The following ADAMTS16 variants were observed in gnomAD, a reference collection of about 807,000 sequenced individuals.
The protein encoded by ADAMTS16 is ADAM metallopeptidase with thrombospondin type 1 motif 16.
In ADAMTS16, 94 loss-of-function variants were observed where a neutral mutation model predicts 145.8. The observed-to-expected ratio is 0.64, with a 90% confidence interval of 0.55 to 0.77. The LOEUF (loss-of-function observed/expected upper bound fraction) is 0.77. ADAMTS16 is among the 30% of genes least tolerant of loss of function. ADAMTS16 has a pLI of 0.00. For missense variants in ADAMTS16, 1,585 were observed against 1,591.5 expected, an observed-to-expected ratio of 1.00 and a Z score of 0.07; for synonymous variants, 659 against 604.3, an observed-to-expected ratio of 1.09 and a Z score of -1.33.
intron 11 of ADAMTS16, among the ~76,000 whole-genome samples, chr5:5,223,949 A>G (rs17712889): frequency 6.6e-6 from 1 of 151,758 alleles, no homozygotes; most frequent in Non-Finnish European, 1.5e-5. Context: ...TCATTGTTCT[A>G]TTATGTTTAA....
intron 18 of ADAMTS16, among the ~76,000 whole-genome samples, chr5:5,285,750 A>AT (rs1444631022): frequency 1.3e-5 from 2 of 152,262 alleles, no homozygotes; most frequent in Non-Finnish European, 2.9e-5. Flanking sequence ...AGACAATGAG[A>AT]TTTTTCAATG....
chr5:5,163,366 G>T (rs542510977), intron 3 of ADAMTS16, among the ~76,000 whole-genome samples: 7 of 152,108 alleles, frequency 4.6e-5, no homozygotes, highest in Non-Finnish European at 7.4e-5. Context: ...TGTGGTTACC[G>T]CATCATCTGA....
intron 13 of ADAMTS16, among the ~76,000 whole-genome samples, chr5:5,236,666 G>A (rs1281685083): frequency 2.0e-5 from 3 of 151,880 alleles, no homozygotes; most frequent in Non-Finnish European, 4.4e-5. Context: ...TAGTGAAATA[G>A]TAAAGCATTA....
intron 4 of ADAMTS16, among the ~76,000 whole-genome samples, chr5:5,183,962 C>T (rs747497407): frequency 1.3e-5 from 2 of 152,206 alleles, no homozygotes; most frequent in Admixed American, 6.5e-5. Flanking sequence ...CAAACTGCCT[C>T]TTGTAGGTGG....
chr5:5,174,067 A>G (rs767263607), intron 3 of ADAMTS16, among the ~76,000 whole-genome samples: 11 of 152,026 alleles, frequency 7.2e-5, no homozygotes, highest in South Asian at 4.1e-4. Flanking sequence ...TGATTTTTCT[A>G]TTGCTCACTA....
At chr5:5,184,337 C>CTG (rs35051273) in intron 4 of ADAMTS16, among the ~76,000 whole-genome samples, 78,934 of 151,398 alleles carry the variant, frequency 0.52, 21,035 homozygotes, top group South Asian at 0.65. Flanking sequence ...CCCCAGGGCA[C>CTG]TGTCACCGAT....
intron 7 of ADAMTS16, among the ~76,000 whole-genome samples, chr5:5,191,367 C>G (rs758252525): frequency 1.3e-5 from 2 of 152,114 alleles, no homozygotes; most frequent in Non-Finnish European, 2.9e-5. Context: ...CTTCCTCCAT[C>G]TGCAATAGAT....
At chr5:5,246,005 C>T (rs958754741) in intron 17 of ADAMTS16, among the ~76,000 whole-genome samples, 1 of 152,122 alleles carries the variant, frequency 6.6e-6, no homozygotes, top group Non-Finnish European at 1.5e-5. Context: ...AAGAATATTG[C>T]CCAGAACCAG....
At chr5:5,247,759 C>T (rs79424240) in intron 17 of ADAMTS16, among the ~76,000 whole-genome samples, 5,619 of 152,324 alleles carry the variant, frequency 0.037, 363 homozygotes, top group African/African-American at 0.13. Context: ...TTTCCCTTTG[C>T]CATTGACAAG....
At chr5:5,263,791 G>A (rs1300618622) in intron 18 of ADAMTS16, among the ~76,000 whole-genome samples, 1 of 152,174 alleles carries the variant, frequency 6.6e-6, no homozygotes, top group African/African-American at 2.4e-5. Flanking sequence ...GTCAGCCCCT[G>A]ACCCTGTAGT....
chr5:5,176,641 A>C (rs1483591483), intron 3 of ADAMTS16, among the ~76,000 whole-genome samples: 1 of 152,232 alleles, frequency 6.6e-6, no homozygotes, highest in Non-Finnish European at 1.5e-5. Context: ...GTGAACAAGG[A>C]ACATATAGAT....
intron 20 of ADAMTS16, among the ~76,000 whole-genome samples, chr5:5,304,302 A>C (rs1292932763): frequency 6.6e-6 from 1 of 152,132 alleles, no homozygotes; most frequent in African/African-American, 2.4e-5. Context: ...CGTTTCCTCT[A>C]CACCATTCAG....
chr5:5,263,808 C>T (rs1738128021), intron 18 of ADAMTS16, among the ~76,000 whole-genome samples: 1 of 152,200 alleles, frequency 6.6e-6, no homozygotes, highest in South Asian at 2.1e-4. Context: ...TAGTGGGGGG[C>T]AGCTGCCCTC....
intron 3 of ADAMTS16, among the ~76,000 whole-genome samples, chr5:5,168,831 CT>C (rs1734970578): frequency 6.8e-6 from 1 of 147,866 alleles, no homozygotes; most frequent in East Asian, 2.0e-4. Context: ...TTATAATCTT[CT>C]TTTCTTTTTG....
chr5:5,161,449 G>C (rs148299483), intron 3 of ADAMTS16, among the ~76,000 whole-genome samples: 3 of 152,272 alleles, frequency 2.0e-5, no homozygotes, highest in African/African-American at 7.2e-5. Flanking sequence ...TAACACAGCT[G>C]TCCTAGATAC....
rs1739897008 is a variant in ADAMTS16 at position 5,303,724 on chromosome 5, C to CA, written c.3146dup (p.Pro1050AlafsTer19). 6.2e-7 allele frequency: 1 copy of CA among 1,613,452 alleles called. No homozygotes were observed. The highest frequency in any genetic ancestry group is 8.5e-7 in the Non-Finnish European group (1 of 1,180,034). On this transcript the variant is annotated frameshift_variant, in exon 20 of 23. Coordinates refer to ENST00000274181, the MANE Select transcript of ADAMTS16 (RefSeq NM_139056.4). LOFTEE classifies it high-confidence loss of function. ...AAGCCTGTCTGCTTCAGCGCTGCCA[C>CA]AAGCCCAAGAAGCTGCAGTGGCTGG...
intron 3 of ADAMTS16, among the ~76,000 whole-genome samples, chr5:5,181,555 AAGTTACC>A (rs1735339600): frequency 6.6e-6 from 1 of 152,206 alleles, no homozygotes; most frequent in Admixed American, 6.5e-5. Flanking sequence ...TAATTTTGTT[AAGTTACC>A]CTTTTCTAGA....
intron 11 of ADAMTS16, among the ~76,000 whole-genome samples, chr5:5,228,123 G>A (rs142382035): frequency 6.6e-6 from 1 of 152,304 alleles, no homozygotes; most frequent in African/African-American, 2.4e-5. Flanking sequence ...TTAAAATGCT[G>A]TTAAATAATC....
intron 18 of ADAMTS16, among the ~76,000 whole-genome samples, chr5:5,279,418 T>A (rs1211598869): frequency 6.6e-6 from 1 of 152,218 alleles, no homozygotes; most frequent in Non-Finnish European, 1.5e-5. Context: ...ACTGTCTTTT[T>A]TTCATTTTCC....
Sources: gnomAD v4.1 joint callset for allele counts (sites outside exome capture counted in the v4.1 genomes callset) on GRCh38, gnomAD v4.1.1 for gene constraint, MANE v1.5 for transcripts, NCBI Gene and HGNC (gene_info 2026-07-23, HGNC 2026-07-21) for gene names.